PCDH15: variants seen among roughly 807,000 people sequenced by gnomAD.
The protein encoded by PCDH15 is protocadherin related 15.
In PCDH15, 129 loss-of-function variants were observed where a neutral mutation model predicts 178.5. That is an observed-to-expected ratio of 0.72 (90% confidence interval 0.63 to 0.84). PCDH15 has a LOEUF of 0.84. PCDH15 is among the 40% of genes least tolerant of loss of function. PCDH15 has a pLI of 0.00. For synonymous variants in PCDH15, 800 were observed against 732.0 expected, an observed-to-expected ratio of 1.09 and a Z score of -1.50; for missense variants, 2,230 against 2,099.9, an observed-to-expected ratio of 1.06 and a Z score of -1.21.
At chr10:54,740,111 A>G (rs1944594668) in intron 1 of PCDH15, among the ~76,000 whole-genome samples, 1 of 152,016 alleles carries the variant, frequency 6.6e-6, no homozygotes, top group African/African-American at 2.4e-5. Context: ...ACAGAATGGG[A>G]GAAAATATTT....
At chr10:53,854,081 G>A (rs1325652056) in intron 28 of PCDH15, among the ~76,000 whole-genome samples, 1 of 151,944 alleles carries the variant, frequency 6.6e-6, no homozygotes, top group African/African-American at 2.4e-5. Context: ...CTCTATAAAG[G>A]AATGAAATTC....
chr10:54,681,944 A>G (rs1459204703), intron 1 of PCDH15, among the ~76,000 whole-genome samples: 1 of 152,172 alleles, frequency 6.6e-6, no homozygotes, highest in Non-Finnish European at 1.5e-5. Context: ...AATTAACCAG[A>G]GAGAAGGTCC....
At chr10:54,849,021 TTTG>T (rs1423644135) in intron 3 of PCDH15, among the ~76,000 whole-genome samples, 3 of 151,040 alleles carry the variant, frequency 2.0e-5, no homozygotes, top group Admixed American at 6.6e-5. Flanking sequence ...CATATCTTAA[TTTG>T]TTATCTATAA....
rs1469726233 is a variant in PCDH15, at chr10:55,204,796, C to T, written c.-155-38145G>A. The stretch of plus-strand genomic sequence containing the variant: ...CATAGCTATCATTCTAAGTATGAAT[C>T]ATGTTTAATTTTTTACAACAGTTCT... On this transcript the variant is annotated intron_variant, in intron 1 of 5. Coordinates refer to the PCDH15 transcript ENST00000458638. 2.0e-5 allele frequency among the ~76,000 whole-genome samples: 3 copies of T among 152,058 alleles called. No homozygotes were observed. The East Asian group carries it at 5.8e-4, about 29-fold the overall frequency.
intron 3 of PCDH15, among the ~76,000 whole-genome samples, chr10:54,862,380 A>G (rs1336686466): frequency 3.3e-5 from 5 of 152,250 alleles, no homozygotes; most frequent in African/African-American, 1.2e-4. Flanking sequence ...CCTCATGTTC[A>G]TTAAAATTAT....
chr10:53,963,874 A>T (rs536157833), intron 21 of PCDH15, among the ~76,000 whole-genome samples: 11 of 152,206 alleles, frequency 7.2e-5, no homozygotes, highest in Admixed American at 5.9e-4. Context: ...CTTCCATTGT[A>T]TTAAAATTAT....
At position 54,556,578 on chromosome 10, in the gene PCDH15, C is replaced by CT. The variant is rs768469030; in HGVS notation, c.92-28702dup. ...ATCACTCTGGAGAGATTACAAAACA[C>CT]TTTTTTTTTTTCTAAAACTGTTAAG... On this transcript the variant is annotated intron_variant, in intron 2 of 37. Coordinates refer to ENST00000644397, the MANE Select transcript of PCDH15 (RefSeq NM_001384140.1). Among the ~76,000 whole-genome samples the CT allele has an allele frequency of 2.9e-3, 415 of 141,360 alleles. 6 individuals are homozygous for CT. In the East Asian group the frequency reaches 0.046, roughly 16 times the overall value. The allele number at this position is 141,360 out of a possible 152,430, so 92.7% of individuals were successfully genotyped here.
At chr10:54,569,943 A>G (rs2089566836) in intron 2 of PCDH15, among the ~76,000 whole-genome samples, 1 of 152,104 alleles carries the variant, frequency 6.6e-6, no homozygotes, top group Non-Finnish European at 1.5e-5. Flanking sequence ...TTTAGATAAG[A>G]TCTAAAGTTA....
intron 3 of PCDH15, among the ~76,000 whole-genome samples, chr10:54,464,797 C>A (rs1353516872): frequency 6.6e-6 from 1 of 152,094 alleles, no homozygotes; most frequent in Non-Finnish European, 1.5e-5. Flanking sequence ...TAAACAAGAG[C>A]AACCTAATTC....
intron 3 of PCDH15, among the ~76,000 whole-genome samples, chr10:54,514,358 C>A (rs997496829): frequency 6.6e-6 from 1 of 151,854 alleles, no homozygotes; most frequent in Non-Finnish European, 1.5e-5. Context: ...AGACTTTATA[C>A]AAAATAGTGA....
intron 25 of PCDH15, among the ~76,000 whole-genome samples, chr10:53,909,361 T>C (rs530725235): frequency 2.5e-4 from 38 of 152,288 alleles, no homozygotes; most frequent in Admixed American, 1.2e-3. Context: ...TATACCAGTG[T>C]GAAAACAGAC....
intron 26 of PCDH15, among the ~76,000 whole-genome samples, chr10:53,885,079 C>CTT (rs930631503): frequency 6.6e-6 from 1 of 152,064 alleles, no homozygotes; most frequent in Non-Finnish European, 1.5e-5. Context: ...TCAGAACTTT[C>CTT]TATCAATACA....
At chr10:54,257,049 TTAGA>T (rs10569518) in intron 8 of PCDH15, among the ~76,000 whole-genome samples, 22,077 of 149,430 alleles carry the variant, frequency 0.15, 1,750 homozygotes, top group Middle Eastern at 0.17. Context: ...TCTCGATAGA[TTAGA>T]TAGATAGATA....
intron 21 of PCDH15, among the ~76,000 whole-genome samples, chr10:53,993,567 G>A (rs2091660364): frequency 6.6e-6 from 1 of 152,106 alleles, no homozygotes; most frequent in Admixed American, 6.6e-5. Context: ...AACAGTAACA[G>A]AGTAGAAAAC....
intron 1 of PCDH15, among the ~76,000 whole-genome samples, chr10:55,173,842 T>G (rs1839407959): frequency 6.6e-6 from 1 of 152,152 alleles, no homozygotes; most frequent in Admixed American, 6.5e-5. Context: ...TTTTTGATGT[T>G]TCATTCATCT....
chr10:55,241,142 G>C (rs1373805739), intron 1 of PCDH15, among the ~76,000 whole-genome samples: 1 of 152,120 alleles, frequency 6.6e-6, no homozygotes. Flanking sequence ...CTTGCACCCG[G>C]GAGGCGGAGG....
intron 1 of PCDH15, among the ~76,000 whole-genome samples, chr10:55,264,673 C>A (rs540854103): frequency 1.4e-4 from 21 of 152,272 alleles, no homozygotes; most frequent in African/African-American, 5.1e-4. Context: ...AGCTTATACT[C>A]CTCCGGAGTG....
intron 3 of PCDH15, among the ~76,000 whole-genome samples, chr10:54,526,755 T>C (rs556719119): frequency 1.3e-5 from 2 of 152,332 alleles, no homozygotes; most frequent in South Asian, 2.1e-4. Flanking sequence ...ACTGTAGATA[T>C]TTCTGAGTGA....
At chr10:55,492,832 T>A (rs905459580) in intron 2 of PCDH15, among the ~76,000 whole-genome samples, 1 of 151,716 alleles carries the variant, frequency 6.6e-6, no homozygotes, top group Non-Finnish European at 1.5e-5. Flanking sequence ...TTGATAGTAA[T>A]GTCTTACAAA....
Sources: gnomAD v4.1 joint callset for allele counts (sites outside exome capture counted in the v4.1 genomes callset) on GRCh38, gnomAD v4.1.1 for gene constraint, MANE v1.5 for transcripts, NCBI Gene and HGNC (gene_info 2026-07-23, HGNC 2026-07-21) for gene names.